Variants in TENM3 observed in about 807,000 individuals in gnomAD.
TENM3 encodes the protein teneurin transmembrane protein 3, also known as teneurin-3.
Under a neutral mutation model 255.1 loss-of-function variants are expected in TENM3, and 63 were observed. The observed-to-expected ratio is 0.25, with a 90% CI of 0.20 to 0.30. The LOEUF (loss-of-function observed/expected upper bound fraction) is 0.30. TENM3 is among the 10% of genes least tolerant of loss of function. The pLI is 1.00. For synonymous variants in TENM3, 1,306 were observed against 1,322.3 expected (o/e 0.99, Z 0.27); for missense variants, 2,929 against 3,461.1 (o/e 0.85, Z 3.86).
chr4:181,760,969 T>TACACACACACACAC, the TENM3 span, among the ~76,000 whole-genome samples: 11 of 50,656 alleles, frequency 2.2e-4, no homozygotes, highest in African/African-American at 6.2e-4. Context: ...ACCACACACA[T>TACACACACACACAC]ACACACACAC....
the TENM3 span, among the ~76,000 whole-genome samples, chr4:182,096,884 G>A: frequency 1.3e-5 from 2 of 152,182 alleles, no homozygotes; most frequent in Non-Finnish European, 1.5e-5. Flanking sequence ...TAAAATGAAA[G>A]GGATGGTGGA....
chr4:182,277,342 G>A (rs552502344), intron 1 of TENM3, among the ~76,000 whole-genome samples: 21 of 151,840 alleles, frequency 1.4e-4, no homozygotes, highest in Admixed American at 1.4e-3. Context: ...CAGAGGTAGA[G>A]TTGGGGGGTG....
the TENM3 span, among the ~76,000 whole-genome samples, chr4:182,040,849 G>A: frequency 6.6e-6 from 1 of 151,900 alleles, no homozygotes; most frequent in Non-Finnish European, 1.5e-5. Flanking sequence ...TTCGTTTTTT[G>A]TTTCTTAATG....
intron 3 of TENM3, among the ~76,000 whole-genome samples, chr4:182,582,620 A>C (rs1030302283): frequency 5.3e-5 from 8 of 152,160 alleles, no homozygotes; most frequent in Non-Finnish European, 8.8e-5. Flanking sequence ...ACAAAAAAAA[A>C]CATATAAAAT....
At chr4:181,833,572 C>T in the TENM3 span, among the ~76,000 whole-genome samples, 6 of 152,208 alleles carry the variant, frequency 3.9e-5, no homozygotes, top group African/African-American at 1.4e-4. Flanking sequence ...TATGGCCCCA[C>T]CTCTCCTACT....
At chr4:181,694,999 G>T in the TENM3 span, among the ~76,000 whole-genome samples, 3 of 151,574 alleles carry the variant, frequency 2.0e-5, no homozygotes, top group Non-Finnish European at 4.4e-5. Context: ...GATTTTGTTG[G>T]ATTAATTTCA....
chr4:182,765,952 C>A (rs1245762568), intron 22 of TENM3, among the ~76,000 whole-genome samples: 2 of 152,168 alleles, frequency 1.3e-5, no homozygotes, highest in African/African-American at 4.8e-5. Context: ...TATTGCATTT[C>A]GGTCAAACTA....
chr4:182,201,529 G>C (rs999762835), intron 1 of TENM3, among the ~76,000 whole-genome samples: 4 of 152,098 alleles, frequency 2.6e-5, no homozygotes, highest in Non-Finnish European at 5.9e-5. Context: ...AGGTCAACCA[G>C]AGATGCTCAT....
chr4:182,374,134 T>G (rs1767024834), intron 3 of TENM3, among the ~76,000 whole-genome samples: 1 of 152,184 alleles, frequency 6.6e-6, no homozygotes, highest in Non-Finnish European at 1.5e-5. Flanking sequence ...GTCTTACTAT[T>G]TCTGTATTAA....
chr4:181,805,033 G>T, the TENM3 span, among the ~76,000 whole-genome samples: 3 of 151,928 alleles, frequency 2.0e-5, no homozygotes, highest in South Asian at 6.2e-4. Context: ...GCTTCTCTCT[G>T]CCCCTGCTGC....
intron 4 of TENM3, among the ~76,000 whole-genome samples, chr4:182,621,700 TATAAAATA>T: frequency 1.5e-3 from 1 of 684 alleles, no homozygotes; most frequent in Non-Finnish European, 0.029. Context: ...ATATATTATA[TATAAAATA>T]TATAATATAT....
chr4:181,925,044 C>A, the TENM3 span, among the ~76,000 whole-genome samples: 23 of 152,252 alleles, frequency 1.5e-4, no homozygotes, highest in Admixed American at 1.3e-3. Context: ...GTCTTCTATT[C>A]CTTTGCAACC....
chr4:181,586,457 G>T, the TENM3 span, among the ~76,000 whole-genome samples: 1 of 152,176 alleles, frequency 6.6e-6, no homozygotes, highest in Non-Finnish European at 1.5e-5. Context: ...GCTATGGGAA[G>T]AGACGACGAC....
At chr4:181,646,237 T>C in the TENM3 span, among the ~76,000 whole-genome samples, 1 of 152,218 alleles carries the variant, frequency 6.6e-6, no homozygotes, top group East Asian at 1.9e-4. Context: ...CTTCCTTTTA[T>C]TTTCCTTAGT....
chr4:182,260,168 T>G (rs570819936), intron 1 of TENM3, among the ~76,000 whole-genome samples: 2 of 152,366 alleles, frequency 1.3e-5, no homozygotes, highest in African/African-American at 4.8e-5. Flanking sequence ...TTTCATATCT[T>G]GGCTATAGTG....
intron 3 of TENM3, among the ~76,000 whole-genome samples, chr4:182,385,072 T>TC (rs1307398320): frequency 1.3e-5 from 2 of 151,964 alleles, no homozygotes; most frequent in Non-Finnish European, 2.9e-5. Flanking sequence ...GATGACGGTG[T>TC]CCCCCAGCAT....
At chr4:181,686,409 A>C in the TENM3 span, among the ~76,000 whole-genome samples, 2 of 152,252 alleles carry the variant, frequency 1.3e-5, no homozygotes, top group African/African-American at 2.4e-5. Flanking sequence ...CTTTTCCCTC[A>C]GTGAGAAGAA....
At chr4:182,714,016 C>G (rs146771742) in intron 12 of TENM3, 71 bp from the exon 13 acceptor site, 15,288 of 1,340,370 alleles carry the variant, frequency 0.011, 113 homozygotes, top group Middle Eastern at 0.038. Context: ...CTAAGTGTCC[C>G]TTATCTGTTT....
intron 3 of TENM3, among the ~76,000 whole-genome samples, chr4:182,416,307 T>A (rs555042295): frequency 6.6e-6 from 1 of 152,332 alleles, no homozygotes; most frequent in African/African-American, 2.4e-5. Flanking sequence ...GTGATATTTC[T>A]GACCAGCTGC....
Sources: allele counts gnomAD v4.1 joint callset (sites outside exome capture counted in the v4.1 genomes callset), GRCh38; gene constraint gnomAD v4.1.1; transcripts MANE v1.5; gene names NCBI Gene and HGNC (gene_info 2026-07-23, HGNC 2026-07-21).